The following ATG7 variants were observed in gnomAD, a reference collection of about 807,000 sequenced individuals.
ATG7 encodes ubiquitin-like modifier-activating enzyme ATG7.
Under a neutral mutation model 82.4 loss-of-function variants are expected in ATG7, and 70 were observed. The observed-to-expected ratio is 0.85, with a 90% confidence interval of 0.70 to 1.04. The LOEUF (loss-of-function observed/expected upper bound fraction) is 1.04. ATG7 is among the 50% of genes least tolerant of loss of function. The probability of loss-of-function intolerance (pLI) is 0.00; values close to 1 mark genes in which losing one functional copy is unlikely to be tolerated. For synonymous variants in ATG7, 287 were observed against 313.0 expected (o/e 0.92, Z 0.88); for missense variants, 792 against 864.3 (o/e 0.92, Z 1.05).
At chr3:11,565,707 A>AG in the ATG7 span, among the ~76,000 whole-genome samples, 1 of 152,214 alleles carries the variant, frequency 6.6e-6, no homozygotes. The surrounding 1 kb of genome is among the most constrained non-coding windows in gnomAD (Gnocchi z 4.1). Context: ...GTCCATCACT[A>AG]GCCCTGGCCA....
At chr3:11,444,675 G>T (rs1057440651) in intron 20 of ATG7, among the ~76,000 whole-genome samples, 1 of 152,118 alleles carries the variant, frequency 6.6e-6, no homozygotes, top group African/African-American at 2.4e-5. Flanking sequence ...AAAATTTCAT[G>T]ATGATGCCAA....
intron 19 of ATG7, among the ~76,000 whole-genome samples, chr3:11,422,477 A>G (rs1367806804): frequency 2.0e-5 from 3 of 152,300 alleles, no homozygotes; most frequent in Non-Finnish European, 4.4e-5. Context: ...CCTTCATAGA[A>G]GTAAAGGGAC....
chr3:11,421,338 A>G (rs1198221250), intron 19 of ATG7, among the ~76,000 whole-genome samples: 1 of 152,226 alleles, frequency 6.6e-6, no homozygotes, highest in African/African-American at 2.4e-5. Flanking sequence ...TTGTCCTCTC[A>G]AATGCTGCTG....
intron 20 of ATG7, among the ~76,000 whole-genome samples, chr3:11,453,036 GCAGA>G (rs1381679768): frequency 1.3e-5 from 2 of 152,222 alleles, no homozygotes; most frequent in Non-Finnish European, 2.9e-5. Flanking sequence ...GGTATTGGAA[GCAGA>G]CAGTCCTTCC....
At chr3:11,506,357 G>T (rs989570104) in intron 20 of ATG7, among the ~76,000 whole-genome samples, 3 of 152,212 alleles carry the variant, frequency 2.0e-5, no homozygotes, top group African/African-American at 7.2e-5. Context: ...TGCACTGGCC[G>T]CATTTCAAGT....
chr3:11,477,100 T>C (rs2088340123), intron 20 of ATG7: 1 of 1,289,350 alleles, frequency 7.8e-7, no homozygotes, highest in African/African-American at 1.5e-5. Flanking sequence ...AATTTGGTGG[T>C]GTAATTAAAA....
At chr3:11,558,276 G>A, downstream of ATG7, 2 of 530,538 alleles carry the variant, frequency 3.8e-6, no homozygotes, top group Non-Finnish European at 6.6e-6. Flanking sequence ...CAGCAGACCT[G>A]CATCAGAGGT....
At chr3:11,514,300 A>G (rs977484305) in intron 20 of ATG7, among the ~76,000 whole-genome samples, 2 of 152,190 alleles carry the variant, frequency 1.3e-5, no homozygotes, top group Non-Finnish European at 2.9e-5. Flanking sequence ...TCCTTCCCAT[A>G]ATCAGGATTT....
intron 20 of ATG7, among the ~76,000 whole-genome samples, chr3:11,499,988 A>G (rs2454479): frequency 6.6e-6 from 1 of 152,148 alleles, no homozygotes; most frequent in East Asian, 1.9e-4. Context: ...CACAAACGCC[A>G]CAAGTTCAGG....
chr3:11,496,072 T>C (rs1158112248), intron 20 of ATG7, among the ~76,000 whole-genome samples: 1 of 152,124 alleles, frequency 6.6e-6, no homozygotes, highest in Non-Finnish European at 1.5e-5. Context: ...AGAGTTTAAG[T>C]GACACAGTGA....
intron 5 of ATG7, among the ~76,000 whole-genome samples, 196 bp from the exon 6 acceptor site, chr3:11,306,747 G>T (rs77688123): frequency 6.6e-6 from 1 of 152,126 alleles, no homozygotes; most frequent in African/African-American, 2.4e-5. Context: ...GAATATATAG[G>T]CTTTTAGGGG....
chr3:11,517,339 CAAA>C (rs201459450), intron 20 of ATG7, among the ~76,000 whole-genome samples: 1 of 112,242 alleles, frequency 8.9e-6, no homozygotes, highest in Non-Finnish European at 2.0e-5. Context: ...GACTCCACCT[CAAA>C]AAAAAAAAAG....
intron 3 of ATG7, among the ~76,000 whole-genome samples, chr3:11,292,296 C>T (rs1177049194): frequency 6.6e-6 from 1 of 150,728 alleles, no homozygotes; most frequent in African/African-American, 2.4e-5. Flanking sequence ...CTCTGTTGCC[C>T]AGGCTGGAGT....
chr3:11,314,767 G>A lies in ATG7; in HGVS notation c.529-577G>A, dbSNP rs528473102. ...CTGGGCAATATCGTGAAACCCCATCGCTATAAAAAATACCAAAAAAGTTAG... is the reference window on the plus strand; with the variant it reads ...CTGGGCAATATCGTGAAACCCCATCACTATAAAAAATACCAAAAAAGTTAG... On this transcript the variant is annotated intron_variant, in intron 8 of 20. Coordinates refer to ENST00000693202, the MANE Select transcript of ATG7 (RefSeq NM_001349232.2). Among the ~76,000 whole-genome samples the A allele has an allele frequency of 6.6e-4, 26 of 39,198 alleles. No individual in the cohort carries two copies. In the East Asian group the frequency reaches 6.9e-3, roughly 10 times the overall value. 25.7% of individuals were successfully genotyped at this position (39,198 alleles called of 152,430 possible). A position where few individuals can be genotyped will look rare whatever the true frequency, so the allele number is the denominator to read the frequency against.
chr3:11,354,335 AGCT>A (rs2075775828), intron 14 of ATG7, among the ~76,000 whole-genome samples: 1 of 152,152 alleles, frequency 6.6e-6, no homozygotes, highest in Non-Finnish European at 1.5e-5. Flanking sequence ...TAAATCATAT[AGCT>A]ATTTGAGGCA....
chr3:11,333,021 A>G lies in ATG7; in HGVS notation c.817A>G (p.Met273Val), dbSNP rs1951868800. The change falls in exon 11 of 21, where the codon ATG (methionine) becomes GTG (valine). Residue 273 changes from methionine to valine, a missense_variant. Coordinates refer to ENST00000693202, the MANE Select transcript of ATG7 (RefSeq NM_001349232.2). ...AGTTGTTTGCTTCCGTGACCGTACCATGCAGGGGGCGAGAGACGTTGCCCA... is the reference window on the plus strand; with the variant it reads ...AGTTGTTTGCTTCCGTGACCGTACCGTGCAGGGGGCGAGAGACGTTGCCCA... ...VEVVCFRDRT[M>V]QGARDVAHSI... 3.2e-6 allele frequency: 5 copies of G among 1,577,924 alleles called. No individual in the cohort carries two copies. The African/African-American group carries it at 4.1e-5, about 13-fold the overall frequency.
At chr3:11,511,809 T>C (rs9682501) in intron 20 of ATG7, among the ~76,000 whole-genome samples, 1,690 of 152,198 alleles carry the variant, frequency 0.011, 27 homozygotes, top group African/African-American at 0.038. Flanking sequence ...GCTGGGGTAC[T>C]CAGTACACCC....
intron 19 of ATG7, among the ~76,000 whole-genome samples, chr3:11,405,615 A>G (rs1250853591): frequency 7.9e-5 from 12 of 151,866 alleles, no homozygotes; most frequent in African/African-American, 2.4e-4. Context: ...AGTATGTAGC[A>G]TTTCTTTTTT....
intron 5 of ATG7, 51 bp downstream of exon 5, chr3:11,299,467 A>G: frequency 7.8e-6 from 12 of 1,545,904 alleles, no homozygotes; most frequent in Non-Finnish European, 1.1e-5. Flanking sequence ...ACTTTTGGCA[A>G]GGAATAAGCA....
Sources: gnomAD v4.1 joint callset for allele counts (sites outside exome capture counted in the v4.1 genomes callset) on GRCh38, gnomAD v4.1.1 for gene constraint, Gnocchi (gnomAD v3.1) non-coding constraint, MANE v1.5 for transcripts, NCBI Gene and HGNC (gene_info 2026-07-23, HGNC 2026-07-21) for gene names.